The following RPS6KA2 variants were observed in gnomAD, a reference collection of about 807,000 sequenced individuals.
RPS6KA2 encodes ribosomal protein S6 kinase A2.
RPS6KA2 carries 42 observed loss-of-function variants against 91.8 expected under a neutral mutation model. The observed-to-expected ratio is 0.46, with a 90% CI of 0.36 to 0.59. The LOEUF (loss-of-function observed/expected upper bound fraction) is 0.59. Ranked by LOEUF, RPS6KA2 falls within the 20% of genes least tolerant of loss-of-function variation. The pLI is 0.00. For synonymous variants in RPS6KA2, 414 were observed against 393.6 expected (o/e 1.05, Z -0.61); for missense variants, 798 against 978.5 (o/e 0.82, Z 2.46).
chr6:166,554,578 G>C lies in RPS6KA2; in HGVS notation c.100-15794C>G, dbSNP rs573790137. On this transcript the variant is annotated intron_variant, in intron 1 of 20. Coordinates refer to ENST00000265678, the MANE Select transcript of RPS6KA2 (RefSeq NM_021135.6). This position sits in a 1 kb window ranked among gnomAD's most constrained non-coding sequence, Gnocchi z 4.3. ...AAACCTAAGTCACGAGGTCTGATGC[G>C]ATGTGAGAACTCGCGGCTGGCACGC... is the stretch of plus-strand genomic sequence containing the variant. Among the ~76,000 whole-genome samples the C allele has an allele frequency of 6.6e-6, 1 of 152,220 alleles. No homozygotes were observed. Among genetic ancestry groups the C allele is most frequent in the Non-Finnish European group, 1.5e-5 (1 of 68,052 alleles).
In RPS6KA2 at chr6:166,545,907, G is replaced by A. The variant is rs759959328; in HGVS notation, c.100-7123C>T. Among the ~76,000 whole-genome samples the A allele has an allele frequency of 3.9e-5, 6 of 152,342 alleles. 1 individual carries two copies. Among genetic ancestry groups the A allele is most frequent in the Non-Finnish European group, 8.8e-5 (6 of 68,034 alleles). On this transcript the variant is annotated intron_variant, in intron 1 of 20. Coordinates refer to ENST00000265678, the MANE Select transcript of RPS6KA2 (RefSeq NM_021135.6). ...TTCCCACAGAAAAGACGTGCAAAGA[G>A]TGGAGAGCCAGGGCTTCCTGCACAC...
Position 166,412,950 on chromosome 6 carries a change from CG to C in RPS6KA2, c.2077-64del. ...TCACTCCAGGGGTTGAGCCGGAGCC[CG>C]GGGCCTCCATGGGCCTCAGCTGCCC... On this transcript the variant is annotated intron_variant, in intron 20 of 20. Transcript: ENST00000265678. The surrounding 1 kb of genome is among the most constrained non-coding windows in gnomAD (Gnocchi z 4.3). The C allele has an allele frequency of 6.8e-7, 1 of 1,474,482 alleles. No individual in the cohort carries two copies. The highest frequency in any genetic ancestry group is 9.0e-7 in the Non-Finnish European group (1 of 1,106,120). The allele number at this position is 1,474,482 out of a possible 1,614,324, so 91.3% of individuals were successfully genotyped here. A position where few individuals can be genotyped will look rare whatever the true frequency, so the allele number is the denominator to read the frequency against.
At chr6:166,456,670 G>A (rs1780117060) in intron 12 of RPS6KA2, among the ~76,000 whole-genome samples, 1 of 152,212 alleles carries the variant, frequency 6.6e-6, no homozygotes, top group Non-Finnish European at 1.5e-5. Context: ...CATTGCTTCA[G>A]AGTCACATTT....
At chr6:166,416,765 C>T (rs1306168219) in intron 19 of RPS6KA2, among the ~76,000 whole-genome samples, 1 of 151,834 alleles carries the variant, frequency 6.6e-6, no homozygotes, top group East Asian at 1.9e-4. Flanking sequence ...CTGCCATTAT[C>T]TCCACCATCA....
intron 1 of RPS6KA2, among the ~76,000 whole-genome samples, chr6:166,607,804 A>C (rs1380174729): frequency 6.6e-6 from 1 of 152,246 alleles, no homozygotes; most frequent in Non-Finnish European, 1.5e-5. Context: ...TATGGCATTC[A>C]GGGCAATTTG....
At position 166,554,604 on chromosome 6, in the gene RPS6KA2, G is replaced by A. The variant is rs578232340; in HGVS notation, c.100-15820C>T. Among the ~76,000 whole-genome samples, 9 of 152,346 alleles carry A rather than the reference G, an allele frequency of 5.9e-5. No homozygotes were observed. The highest frequency in any genetic ancestry group is 1.9e-4 in the East Asian group (1 of 5,180). On this transcript the variant is annotated intron_variant, in intron 1 of 20. Coordinates refer to ENST00000265678, the MANE Select transcript of RPS6KA2 (RefSeq NM_021135.6). This position sits in a 1 kb window ranked among gnomAD's most constrained non-coding sequence, Gnocchi z 4.3. ...ATGTGAGAACTCGCGGCTGGCACGC[G>A]GGTGGCCATGGGGGGGTGGGGGTCC...
At chr6:166,741,243 A>T (rs1243356567) in intron 2 of RPS6KA2, among the ~76,000 whole-genome samples, 1 of 152,234 alleles carries the variant, frequency 6.6e-6, no homozygotes, top group Non-Finnish European at 1.5e-5. Context: ...CGTGGATAAG[A>T]AGGTTTGCAC....
At chr6:166,566,914 T>A (rs1784522114) in intron 1 of RPS6KA2, among the ~76,000 whole-genome samples, 1 of 152,240 alleles carries the variant, frequency 6.6e-6, no homozygotes, top group Admixed American at 6.5e-5. Context: ...AAAGCAGAGC[T>A]GGCAACAGGG....
chr6:166,719,688 A>G (rs1375216696), intron 2 of RPS6KA2, among the ~76,000 whole-genome samples: 3 of 152,194 alleles, frequency 2.0e-5, no homozygotes, highest in Admixed American at 2.0e-4. Flanking sequence ...AACTCTACTC[A>G]CTTATCATTA....
intron 2 of RPS6KA2, among the ~76,000 whole-genome samples, chr6:166,677,364 T>A (rs6456100): frequency 0.18 from 26,276 of 145,252 alleles, 3,002 homozygotes; most frequent in African/African-American, 0.36. Flanking sequence ...TCATATCAGT[T>A]TTTTTTTTTT....
At position 166,531,308 on chromosome 6, in the gene RPS6KA2, G is replaced by A; in HGVS notation, c.222C>T (p.Phe74=). Residue 74 remains phenylalanine (F), a synonymous_variant, in exon 3 of 21, where the codon TTC becomes TTT. Transcript: ENST00000265678. ...VLGQGSYGKV[F]LVRKVKGSDA... Reference sequence around the variant, plus strand: ...CGGACCCCTTCACCTTCCTCACCAGGAACACCTTAGCAAGAGAAAACGGAA... The same window carrying A: ...CGGACCCCTTCACCTTCCTCACCAGAAACACCTTAGCAAGAGAAAACGGAA... The A allele has an allele frequency of 6.2e-7, 1 of 1,613,362 alleles. No homozygotes were observed. Among genetic ancestry groups the A allele is most frequent in the South Asian group, 1.1e-5 (1 of 91,058 alleles).
intron 2 of RPS6KA2, among the ~76,000 whole-genome samples, chr6:166,837,282 G>A (rs1163331779): frequency 6.6e-6 from 1 of 152,064 alleles, no homozygotes; most frequent in East Asian, 1.9e-4. Flanking sequence ...CTTCCCCGGG[G>A]TGGAAGGCTC....
chr6:166,702,621 C>G (rs1408974322), intron 2 of RPS6KA2: 1 of 1,572,062 alleles, frequency 6.4e-7, no homozygotes, highest in South Asian at 1.1e-5. Flanking sequence ...TTTTTGGGAC[C>G]GAGTGCTCAA....
intron 19 of RPS6KA2, among the ~76,000 whole-genome samples, chr6:166,417,018 C>T (rs951613032): frequency 5.3e-5 from 8 of 152,192 alleles, no homozygotes; most frequent in African/African-American, 1.4e-4. Flanking sequence ...TACATGAACA[C>T]GGGAACAGCT....
rs543682152 is a variant in RPS6KA2 at position 166,694,786 on chromosome 6, G to C, written c.124-156002C>G. Reference sequence around the variant, plus strand: ...TATCTGAATGACCTGAGCCCTTACTGCATCTTTCCACGTTGAGAGAGAAAG... The same window carrying C: ...TATCTGAATGACCTGAGCCCTTACTCCATCTTTCCACGTTGAGAGAGAAAG... On this transcript the variant is annotated intron_variant, in intron 2 of 21. Transcript: ENST00000503859. 3.3e-5 allele frequency among the ~76,000 whole-genome samples: 5 copies of C among 152,280 alleles called. No homozygotes were observed. In the East Asian group the frequency reaches 9.7e-4, roughly 29 times the overall value.
rs2128473274 is a variant in RPS6KA2 at position 166,488,919 on chromosome 6, G to T, written c.821C>A (p.Ala274Asp). The T allele has an allele frequency of 6.2e-7, 1 of 1,612,672 alleles. No homozygotes were observed. Among genetic ancestry groups the T allele is most frequent in the Non-Finnish European group, 8.5e-7 (1 of 1,179,218 alleles). The change falls in exon 10 of 21, where the codon GCC becomes GAC. Residue 274 changes from alanine (A) to aspartate (D), a missense_variant and splice_region_variant. Physicochemically the swap from Ala to Asp is moderately radical, Grantham distance 126. Transcript: ENST00000265678. ...RKETMALILK[A>D]KLGMPQFLSG... The stretch of plus-strand genomic sequence containing the variant: ...GAGGAACTGCGGCATCCCCAGCTTG[G>T]CTCTGAAAAACAAGATCCTATTTTA...
chr6:166,727,846 T>C (rs974977124), intron 2 of RPS6KA2, among the ~76,000 whole-genome samples: 10 of 152,194 alleles, frequency 6.6e-5, no homozygotes, highest in African/African-American at 2.4e-4. Context: ...CTTGCAAAGC[T>C]GAAAATCAAA....
intron 2 of RPS6KA2, among the ~76,000 whole-genome samples, chr6:166,785,889 T>C (rs1778916257): frequency 6.6e-6 from 1 of 152,248 alleles, no homozygotes; most frequent in Non-Finnish European, 1.5e-5. Context: ...TTTCTTCCTT[T>C]TTGTTCTAGA....
chr6:166,758,802 T>G (rs1297554288), intron 2 of RPS6KA2, among the ~76,000 whole-genome samples: 1 of 152,098 alleles, frequency 6.6e-6, no homozygotes, highest in East Asian at 1.9e-4. Flanking sequence ...TGACCTTGAT[T>G]TAGGGTAGTG....
Sources: gnomAD v4.1 joint callset for allele counts (sites outside exome capture counted in the v4.1 genomes callset) on GRCh38, gnomAD v4.1.1 for gene constraint, Gnocchi (gnomAD v3.1) non-coding constraint, MANE v1.5 for transcripts, NCBI Gene and HGNC (gene_info 2026-07-23, HGNC 2026-07-21) for gene names.